YJU2: variants seen among roughly 807,000 people sequenced by gnomAD.
YJU2 encodes the protein YJU2 splicing factor homolog.
Under a neutral mutation model 39.6 loss-of-function variants are expected in YJU2, and 28 were observed. The ratio of observed to expected loss-of-function variants is 0.71; its 90% CI spans 0.52 to 0.97. The LOEUF (loss-of-function observed/expected upper bound fraction) is 0.97. Among genes scored for constraint, YJU2 ranks in the 50% least tolerant of loss-of-function variants. The pLI, the probability that YJU2 is intolerant of heterozygous loss-of-function variation, is 0.00. For synonymous variants in YJU2, 184 were observed against 182.4 expected, an observed-to-expected ratio of 1.01 and a Z score of -0.07; for missense variants, 328 against 430.4, an observed-to-expected ratio of 0.76 and a Z score of 2.11.
In YJU2 at chr19:4,247,121, G is replaced by T. The variant is rs1970924717; in HGVS notation, c.-26G>T. The stretch of plus-strand genomic sequence containing the variant: ...TACCCAGCCTAACCATTTCTCAGGT[G>T]CTTGCGAGGTGATCAGAAGGCAAAG... On this transcript the variant is annotated 5_prime_UTR_variant, in exon 1 of 8. Transcript: ENST00000262962. The T allele has an allele frequency of 6.2e-7, 1 of 1,612,212 alleles. No homozygotes were observed. Among genetic ancestry groups the T allele is most frequent in the Non-Finnish European group, 8.5e-7 (1 of 1,178,224 alleles).
At chr19:4,256,169 C>CAAAAAA (rs368146793) in intron 4 of YJU2, among the ~76,000 whole-genome samples, 5 of 117,788 alleles carry the variant, frequency 4.2e-5, no homozygotes, top group African/African-American at 1.6e-4. Flanking sequence ...AAGACTGTCG[C>CAAAAAA]AAAAAAAAAA....
intron 3 of YJU2, among the ~76,000 whole-genome samples, chr19:4,251,928 A>G (rs1248543258): frequency 6.6e-6 from 1 of 152,158 alleles, no homozygotes; most frequent in Non-Finnish European, 1.5e-5. Context: ...GAGAGGTTGC[A>G]GTGAGCCAAC....
intron 7 of YJU2, 126 bp downstream of exon 7, chr19:4,267,900 C>A: frequency 4.0e-6 from 3 of 751,164 alleles, no homozygotes; most frequent in Non-Finnish European, 6.4e-6. Context: ...CCCACAGGAC[C>A]AATTAGTGGA....
chr19:4,247,651 GTGTGT>G lies in YJU2; in HGVS notation c.24+482_24+486del, dbSNP rs1970940189. 1.0e-3 allele frequency among the ~76,000 whole-genome samples: 73 copies of G among 70,094 alleles called. 1 individual carries two copies. Among genetic ancestry groups the G allele is most frequent in the African/African-American group, 1.6e-3 (24 of 14,872 alleles). 46.0% of individuals were successfully genotyped at this position (70,094 alleles called of 152,430 possible). ...TGTGTGTGTGTGTGTGTGTGTGTGT[GTGTGT>G]GTGTGTGTGTGTGTGTGTGTGTGTG... On this transcript the variant is annotated intron_variant, in intron 1 of 7. Coordinates refer to ENST00000262962, the MANE Select transcript of YJU2 (RefSeq NM_018074.6).
intron 5 of YJU2, among the ~76,000 whole-genome samples, chr19:4,259,124 C>CCAGGCTG (rs1429069127): frequency 7.0e-6 from 1 of 142,480 alleles, no homozygotes; most frequent in Non-Finnish European, 1.5e-5. Context: ...CCTCTGCTGC[C>CCAGGCTG]CAGGCTGGAG....
chr19:4,268,537 C>A, intron 7 of YJU2, 47 bp from the exon 8 acceptor site: 1 of 1,392,890 alleles, frequency 7.2e-7, no homozygotes, highest in Non-Finnish European at 1.0e-6. Context: ...TGTCCCTGGC[C>A]TGTCTGCTGT....
chr19:4,249,471 C>T (rs1970958163), intron 2 of YJU2, 143 bp downstream of exon 2: 2 of 586,324 alleles, frequency 3.4e-6, no homozygotes, highest in South Asian at 2.2e-5. Flanking sequence ...CCATTCCAAC[C>T]CTCCTTCGCC....
intron 5 of YJU2, among the ~76,000 whole-genome samples, chr19:4,261,183 C>T (rs1479054280): frequency 6.6e-6 from 1 of 152,122 alleles, no homozygotes; most frequent in African/African-American, 2.4e-5. Flanking sequence ...CATCAGCCAC[C>T]ATGTCTGGCC....
chr19:4,268,914 T>C lies in YJU2; in HGVS notation c.*218T>C, dbSNP rs1053242301. On this transcript the variant is annotated 3_prime_UTR_variant, in exon 8 of 8. Transcript: ENST00000262962. ...AGCCTCTCAACACCTCGGGGACCCC[T>C]GCTGCTCCTGCCCCCACCTGTCACT... 2.7e-5 allele frequency: 15 copies of C among 560,876 alleles called. No homozygotes were observed. Among genetic ancestry groups the C allele is most frequent in the African/African-American group, 1.1e-4 (6 of 52,910 alleles). The allele number at this position is 560,876 out of a possible 1,614,324, so 34.7% of individuals were successfully genotyped here. A position where few individuals can be genotyped will look rare whatever the true frequency, so the allele number is the denominator to read the frequency against.
intron 1 of YJU2, among the ~76,000 whole-genome samples, chr19:4,247,590 T>G (rs1568359513): frequency 5.8e-4 from 3 of 5,144 alleles, no homozygotes; most frequent in African/African-American, 2.3e-3. Context: ...CGCGTGTGTG[T>G]GTGTGTGTGT....
At chr19:4,249,412 G>C (rs1970957557) in intron 2 of YJU2, 84 bp downstream of exon 2, 1 of 832,958 alleles carries the variant, frequency 1.2e-6, no homozygotes, top group Admixed American at 2.2e-5. Context: ...CTCGTCCGGT[G>C]TTAAGACCAG....
intron 3 of YJU2, among the ~76,000 whole-genome samples, chr19:4,253,546 A>G (rs1400025862): frequency 6.6e-6 from 1 of 152,104 alleles, no homozygotes; most frequent in East Asian, 1.9e-4. Context: ...CTGCCGCTGC[A>G]CTCCGGCCTG....
rs536823649 is a variant in YJU2 at position 4,250,940 on chromosome 19, A to G, written c.126-87A>G. ...TCCCCGTTGCTGGAGGCAAGCAAGC[A>G]GTGATCTTGCAGGATGCCGCAGGGA... On this transcript the variant is annotated intron_variant, in intron 2 of 7. Coordinates refer to ENST00000262962, the MANE Select transcript of YJU2 (RefSeq NM_018074.6). The G allele has an allele frequency of 7.5e-6, 11 of 1,460,042 alleles. No homozygotes were observed. The East Asian group carries it at 2.4e-4, about 32-fold the overall frequency. The allele number at this position is 1,460,042 out of a possible 1,614,324, so 90.4% of individuals were successfully genotyped here.
At chr19:4,258,136 G>A (rs958932863) in intron 4 of YJU2, 106 bp from the exon 5 acceptor site, 2 of 1,459,464 alleles carry the variant, frequency 1.4e-6, no homozygotes, top group African/African-American at 1.4e-5. Context: ...TGGAAACGTG[G>A]GGGTAGGGGT....
intron 1 of YJU2, among the ~76,000 whole-genome samples, chr19:4,247,812 CA>C (rs1357660451): frequency 2.0e-5 from 3 of 151,682 alleles, no homozygotes; most frequent in Non-Finnish European, 4.4e-5. Context: ...GCCAAGATTC[CA>C]GACTCCCAGA....
At chr19:4,249,106 G>T in intron 1 of YJU2, 122 bp from the exon 2 acceptor site, 1 of 635,206 alleles carries the variant, frequency 1.6e-6, no homozygotes. Flanking sequence ...CTCCCTGCCT[G>T]TCGCGGAACC....
intron 2 of YJU2, 28 bp downstream of exon 2, chr19:4,249,356 AC>A: frequency 6.8e-7 from 1 of 1,475,104 alleles, no homozygotes; most frequent in Non-Finnish European, 9.5e-7. Flanking sequence ...GACCCCACAC[AC>A]CAGTCATGGC....
intron 5 of YJU2, among the ~76,000 whole-genome samples, chr19:4,261,580 C>G (rs769835641): frequency 1.2e-4 from 18 of 151,506 alleles, no homozygotes; most frequent in Non-Finnish European, 2.4e-4. Context: ...AGAATCGCTT[C>G]AACCTGGGAG....
intron 3 of YJU2, 21 bp from the exon 4 acceptor site, chr19:4,254,334 G>A: frequency 2.5e-6 from 4 of 1,596,408 alleles, no homozygotes; most frequent in Non-Finnish European, 2.6e-6. Flanking sequence ...AGGAGCTGAT[G>A]TCTGTCTATC....
Sources: allele counts gnomAD v4.1 joint callset (sites outside exome capture counted in the v4.1 genomes callset), GRCh38; gene constraint gnomAD v4.1.1; transcripts MANE v1.5; gene names NCBI Gene and HGNC (gene_info 2026-07-23, HGNC 2026-07-21).